Variants in RPA1 observed in about 807,000 individuals in gnomAD.
The protein encoded by RPA1 is replication protein A 70 kDa DNA-binding subunit.
A neutral mutation model predicts 83.0 loss-of-function variants in RPA1; 49 were observed. The ratio of observed to expected loss-of-function variants is 0.59; its 90% CI spans 0.47 to 0.75. RPA1 has a LOEUF of 0.75. RPA1 is among the 30% of genes least tolerant of loss of function. The probability of loss-of-function intolerance (pLI) is 0.00; values close to 1 mark genes in which losing one functional copy is unlikely to be tolerated. For synonymous variants in RPA1, 279 were observed against 281.8 expected (o/e 0.99, Z 0.10); for missense variants, 693 against 776.1 (o/e 0.89, Z 1.27).
chr17:1,843,955 G>C lies in RPA1; in HGVS notation c.120G>C (p.Pro40=). ...CCATTACTACGGGGAATAGTCCGCCGCGTTATCGACTGCTCATGAGTGATG... is the reference window on the plus strand; with the variant it reads ...CCATTACTACGGGGAATAGTCCGCCCCGTTATCGACTGCTCATGAGTGATG... ...IRPITTGNSP[P]RYRLLMSDGL... is the part of the protein sequence containing the mutation. Residue 40 remains proline, a synonymous_variant, in exon 3 of 17, where the codon CCG becomes CCC. Coordinates refer to ENST00000254719, the MANE Select transcript of RPA1 (RefSeq NM_002945.5). The C allele has an allele frequency of 6.2e-7, 1 of 1,613,912 alleles. No individual in the cohort carries two copies. Among genetic ancestry groups the C allele is most frequent in the Non-Finnish European group, 8.5e-7 (1 of 1,179,930 alleles).
Position 1,897,081 on chromosome 17 carries a change from G to T in RPA1, c.1757G>T (p.Arg586Leu), listed in dbSNP as rs575124540. The T allele has an allele frequency of 7.0e-6, 11 of 1,571,040 alleles. No homozygotes were observed. Among genetic ancestry groups the T allele is most frequent in the Non-Finnish European group, 9.5e-6 (11 of 1,157,776 alleles). The stretch of plus-strand genomic sequence containing the variant: ...TCTCCCTTTTTGAAGGACGAGTCTC[G>T]AATTAAGGCCACTGTGATGGACGTG... ...VKVETYNDES[R>L]IKATVMDVKP... The change falls in exon 17 of 17, where the codon CGA (arginine) becomes CTA (leucine). Residue 586 changes from arginine to leucine, a missense_variant. Physicochemically the swap from Arg to Leu is moderately radical, Grantham distance 102 (BLOSUM62 -2). Transcript: ENST00000254719.
intron 12 of RPA1, among the ~76,000 whole-genome samples, chr17:1,883,218 G>A (rs1913862505): frequency 1.3e-5 from 2 of 152,038 alleles, no homozygotes; most frequent in Admixed American, 6.6e-5. Context: ...GTGCAATGGC[G>A]CCATCTCGGC....
chr17:1,831,688 T>G (rs1911601454), intron 1 of RPA1, among the ~76,000 whole-genome samples: 2 of 149,792 alleles, frequency 1.3e-5, no homozygotes, highest in Admixed American at 6.7e-5. Context: ...AAGCTCTGCC[T>G]CCTGGGTTCA....
chr17:1,892,168 G>A (rs1219200193), intron 15 of RPA1, among the ~76,000 whole-genome samples: 3 of 151,966 alleles, frequency 2.0e-5, no homozygotes, highest in South Asian at 4.2e-4. Context: ...CACGATGCCC[G>A]GCTAGTTTTT....
intron 5 of RPA1, chr17:1,858,071 C>T (rs1022544970): frequency 1.9e-5 from 30 of 1,613,216 alleles, no homozygotes; most frequent in Non-Finnish European, 2.5e-5. Flanking sequence ...GAGGACAACA[C>T]AGTAAGAACC....
chr17:1,881,799 CT>C (rs1353921852), intron 12 of RPA1, among the ~76,000 whole-genome samples: 3 of 152,174 alleles, frequency 2.0e-5, no homozygotes, highest in African/African-American at 7.2e-5. Flanking sequence ...CAAAGACAAG[CT>C]CAGTGCATAC....
intron 4 of RPA1, among the ~76,000 whole-genome samples, chr17:1,850,179 A>T (rs1912437916): frequency 6.6e-6 from 1 of 150,844 alleles, no homozygotes; most frequent in Admixed American, 6.6e-5. Context: ...CTCAAAAAAA[A>T]AAAAAGATTA....
chr17:1,844,785 C>T, intron 4 of RPA1, 99 bp downstream of exon 4: 1 of 853,972 alleles, frequency 1.2e-6, no homozygotes. Flanking sequence ...GAATCTGCAG[C>T]TTTTCAGTTA....
Position 1,879,324 on chromosome 17 carries a change from A to G in RPA1, c.869A>G (p.Glu290Gly). The G allele has an allele frequency of 6.2e-7, 1 of 1,614,204 alleles. No homozygotes were observed. The highest frequency in any genetic ancestry group is 8.5e-7 in the Non-Finnish European group (1 of 1,180,044). The stretch of plus-strand genomic sequence containing the variant: ...AACGAGACTTCCGTCATGCCCTGTG[A>G]GGACGACCATCATTTACCTACGGTT... Reference protein sequence around the residue: ...FNNETSVMPCEDDHHLPTVQF... With the variant: ...FNNETSVMPCGDDHHLPTVQF... The change falls in exon 10 of 17, where the codon GAG becomes GGG. Residue 290 changes from glutamate to glycine, a missense_variant. Coordinates refer to ENST00000254719, the MANE Select transcript of RPA1 (RefSeq NM_002945.5).
chr17:1,896,507 G>A (rs946661210), intron 16 of RPA1, among the ~76,000 whole-genome samples: 1 of 142,458 alleles, frequency 7.0e-6, no homozygotes, highest in Non-Finnish European at 1.5e-5. Flanking sequence ...ATGTCACCGT[G>A]AAACAATGTC....
intron 12 of RPA1, 25 bp from the exon 13 acceptor site, chr17:1,883,787 C>G: frequency 6.2e-7 from 1 of 1,613,502 alleles, no homozygotes; most frequent in Non-Finnish European, 8.5e-7. Context: ...AAGCGCTCGT[C>G]ATCGTTATTC....
In RPA1 at chr17:1,878,923, A is replaced by G. The variant is rs1913664784; in HGVS notation, c.691-70A>G. ...GCTAGGGTGGCCTGTGTTCTATCCC[A>G]GTGTCACTTGGGTGCTGGGGTGGCC... On this transcript the variant is annotated intron_variant, in intron 8 of 16. Coordinates refer to ENST00000254719, the MANE Select transcript of RPA1 (RefSeq NM_002945.5). 2.0e-6 allele frequency: 3 copies of G among 1,479,128 alleles called. No homozygotes were observed. In the Admixed American group the frequency reaches 5.0e-5, roughly 25 times the overall value. 91.6% of individuals were successfully genotyped at this position (1,479,128 alleles called of 1,614,324 possible).
chr17:1,858,056 C>G, intron 5 of RPA1: 2 of 1,612,670 alleles, frequency 1.2e-6, no homozygotes, highest in Non-Finnish European at 1.7e-6. Flanking sequence ...GCTGCCAGCC[C>G]CATAGAGGAC....
At chr17:1,890,390 C>T (rs1165085360) in intron 14 of RPA1, among the ~76,000 whole-genome samples, 3 of 150,664 alleles carry the variant, frequency 2.0e-5, no homozygotes, top group South Asian at 2.1e-4. Flanking sequence ...AGGCCGGGCA[C>T]GGTGGCTCAC....
chr17:1,875,708 G>C lies in RPA1; in HGVS notation c.502G>C (p.Ala168Pro). 1 of 1,614,158 alleles carries C rather than the reference G, an allele frequency of 6.2e-7. No homozygotes were observed. Among genetic ancestry groups the C allele is most frequent in the Admixed American group, 1.7e-5 (1 of 60,004 alleles). ...TGGTGCTTCAAAGACATTTGGAAAA[G>C]CTGCAGGTCCCAGCCTGTCACACAC... Reference protein sequence around the residue: ...AYGASKTFGKAAGPSLSHTSG... With the variant: ...AYGASKTFGKPAGPSLSHTSG... The change falls in exon 7 of 17, where the codon GCT (alanine) becomes CCT (proline). Residue 168 changes from alanine (A) to proline (P), a missense_variant. Physicochemically the swap from Ala to Pro is conservative, Grantham distance 27. Transcript: ENST00000254719.
intron 4 of RPA1, among the ~76,000 whole-genome samples, chr17:1,845,254 C>T (rs564253479): frequency 6.6e-6 from 1 of 151,266 alleles, no homozygotes; most frequent in East Asian, 2.0e-4. Context: ...TACATTGAAC[C>T]ACATGTGGTG....
chr17:1,850,882 ACTCT>A lies in RPA1; in HGVS notation c.273-2211_273-2208del, dbSNP rs200401239. Among the ~76,000 whole-genome samples, 8 of 150,886 alleles carry A rather than the reference ACTCT, an allele frequency of 5.3e-5. No individual in the cohort carries two copies. In the South Asian group the frequency reaches 1.1e-3, roughly 20 times the overall value. On this transcript the variant is annotated intron_variant, in intron 4 of 16. Coordinates refer to ENST00000254719, the MANE Select transcript of RPA1 (RefSeq NM_002945.5). ...GCTCCAGCCTGGGTGACAGAGTGAG[ACTCT>A]CTCTCTCAAAAAAAAAAATAAGAAT...
rs550981981 is a variant in RPA1, at chr17:1,834,391, C to A, written c.33+4265C>A. Among the ~76,000 whole-genome samples, 7 of 152,230 alleles carry A rather than the reference C, an allele frequency of 4.6e-5. No homozygotes were observed. The South Asian group carries it at 1.5e-3, about 32-fold the overall frequency. ...TATTCAAAATTTTATAAACCTATTT[C>A]CAGCGTAGGTGAAGTATTTTGTTCA... On this transcript the variant is annotated intron_variant, in intron 1 of 16. Coordinates refer to ENST00000254719, the MANE Select transcript of RPA1 (RefSeq NM_002945.5).
intron 5 of RPA1, among the ~76,000 whole-genome samples, chr17:1,854,543 T>G (rs1213264131): frequency 6.6e-6 from 1 of 151,946 alleles, no homozygotes. Flanking sequence ...TCTGCAATAA[T>G]TTTTTAAAAA....
Sources: allele counts gnomAD v4.1 joint callset (sites outside exome capture counted in the v4.1 genomes callset), GRCh38; gene constraint gnomAD v4.1.1; transcripts MANE v1.5; gene names NCBI Gene and HGNC (gene_info 2026-07-23, HGNC 2026-07-21).